The following SH3RF3 variants were observed in gnomAD, a reference collection of about 807,000 sequenced individuals.
SH3RF3 encodes SH3 domain containing ring finger 3.
SH3RF3 carries 29 observed loss-of-function variants against 66.3 expected under a neutral mutation model. That is an observed-to-expected ratio of 0.44 (90% confidence interval 0.33 to 0.60). The LOEUF is 0.60. Ranked by LOEUF, SH3RF3 falls within the 20% of genes least tolerant of loss-of-function variation. The pLI is 0.04. For missense variants in SH3RF3, 1,194 were observed against 1,190.9 expected (o/e 1.00, Z -0.04); for synonymous variants, 583 against 532.0 (o/e 1.10, Z -1.32).
chr2:109,307,439 A>T (rs1161243193), intron 1 of SH3RF3, among the ~76,000 whole-genome samples: 32 of 135,026 alleles, frequency 2.4e-4, no homozygotes, highest in Admixed American at 4.4e-4. Context: ...TTTTATTATT[A>T]TACTTTAAGT....
chr2:109,370,221 GTCTCTGTCTC>G (rs1559047223), intron 2 of SH3RF3, among the ~76,000 whole-genome samples: 1 of 148,708 alleles, frequency 6.7e-6, no homozygotes, highest in South Asian at 2.2e-4. Context: ...CTCTGTCTCT[GTCTCTGTCTC>G]TCTCTCTCTT....
At chr2:109,179,615 G>A (rs1678027906) in intron 1 of SH3RF3, among the ~76,000 whole-genome samples, 1 of 152,174 alleles carries the variant, frequency 6.6e-6, no homozygotes, top group African/African-American at 2.4e-5. Flanking sequence ...TTGTAATATG[G>A]TGGAGGGTAT....
intron 2 of SH3RF3, among the ~76,000 whole-genome samples, chr2:109,359,288 G>T (rs998284738): frequency 6.6e-6 from 1 of 152,154 alleles, no homozygotes; most frequent in Non-Finnish European, 1.5e-5. Context: ...TTTAGAATCA[G>T]TTGGTCAATA....
At chr2:109,251,981 G>A (rs1034077493) in intron 1 of SH3RF3, among the ~76,000 whole-genome samples, 23 of 152,104 alleles carry the variant, frequency 1.5e-4, no homozygotes, top group African/African-American at 5.1e-4. Flanking sequence ...AATGGCTCAC[G>A]ACTATAATCC....
intron 1 of SH3RF3, among the ~76,000 whole-genome samples, chr2:109,258,855 G>T (rs1680285185): frequency 6.6e-6 from 1 of 152,220 alleles, no homozygotes; most frequent in African/African-American, 2.4e-5. Context: ...TGATGTCCTT[G>T]GCTGTGCTGG....
At chr2:109,180,119 T>TG (rs1170293103) in intron 1 of SH3RF3, among the ~76,000 whole-genome samples, 1 of 135,908 alleles carries the variant, frequency 7.4e-6, no homozygotes, top group African/African-American at 3.2e-5. Context: ...ACAGGAGAAG[T>TG]TTTTTTTTTT....
chr2:109,465,674 C>T (rs1052743878), intron 8 of SH3RF3, among the ~76,000 whole-genome samples: 10 of 152,170 alleles, frequency 6.6e-5, no homozygotes, highest in Admixed American at 5.9e-4. Flanking sequence ...TCTGCAGGCT[C>T]TACAGGAAGC....
At chr2:109,275,047 A>G (rs1680722167) in intron 1 of SH3RF3, among the ~76,000 whole-genome samples, 1 of 152,234 alleles carries the variant, frequency 6.6e-6, no homozygotes, top group Non-Finnish European at 1.5e-5. Context: ...CCATAATGTA[A>G]AATTGTCCCC....
chr2:109,483,740 G>C (rs1199041658), intron 8 of SH3RF3, among the ~76,000 whole-genome samples: 2 of 152,150 alleles, frequency 1.3e-5, no homozygotes, highest in Non-Finnish European at 2.9e-5. Flanking sequence ...TGCCACATGA[G>C]GTCACAGTCC....
intron 8 of SH3RF3, among the ~76,000 whole-genome samples, chr2:109,454,784 A>C (rs140525586): frequency 1.1e-3 from 169 of 152,238 alleles, no homozygotes; most frequent in African/African-American, 3.9e-3. Context: ...ACTTAATTCA[A>C]AAACATCTCG....
intron 1 of SH3RF3, among the ~76,000 whole-genome samples, chr2:109,298,686 G>A (rs1681385810): frequency 6.6e-6 from 1 of 152,034 alleles, no homozygotes; most frequent in Admixed American, 6.5e-5. Flanking sequence ...CCTGGCTCCT[G>A]TGGGTCCAGG....
At chr2:109,287,091 A>T (rs1019234868) in intron 1 of SH3RF3, among the ~76,000 whole-genome samples, 2 of 152,108 alleles carry the variant, frequency 1.3e-5, no homozygotes, top group African/African-American at 4.8e-5. Flanking sequence ...CTGTGATCTC[A>T]TCTGTGACAT....
chr2:109,146,760 G>A (rs1313242371), intron 1 of SH3RF3, among the ~76,000 whole-genome samples: 2 of 151,074 alleles, frequency 1.3e-5, no homozygotes, highest in African/African-American at 4.9e-5. Flanking sequence ...TCCTTCCTTC[G>A]AAAACTTGCG....
At chr2:109,348,601 G>A (rs942998343) in intron 2 of SH3RF3, among the ~76,000 whole-genome samples, 1 of 152,158 alleles carries the variant, frequency 6.6e-6, no homozygotes, top group African/African-American at 2.4e-5. Flanking sequence ...CCAAGTGCTC[G>A]GCCAATAAGC....
intron 1 of SH3RF3, among the ~76,000 whole-genome samples, chr2:109,305,378 A>T (rs10191580): frequency 0.31 from 47,173 of 151,838 alleles, 9,035 homozygotes; most frequent in African/African-American, 0.54. Flanking sequence ...AGGCCCATAC[A>T]GGTGTCTCGG....
intron 7 of SH3RF3, among the ~76,000 whole-genome samples, chr2:109,438,888 TTA>T (rs1677484468): frequency 6.6e-6 from 1 of 152,124 alleles, no homozygotes; most frequent in Admixed American, 6.5e-5. Context: ...TCCCTTCTGG[TTA>T]TAAACATCTC....
At chr2:109,395,912 G>A (rs1271468425) in intron 3 of SH3RF3, among the ~76,000 whole-genome samples, 1 of 152,192 alleles carries the variant, frequency 6.6e-6, no homozygotes, top group Non-Finnish European at 1.5e-5. Context: ...AACTCAAAAG[G>A]GTCACAGGAG....
At chr2:109,313,922 T>C (rs980711908) in intron 1 of SH3RF3, among the ~76,000 whole-genome samples, 1 of 152,154 alleles carries the variant, frequency 6.6e-6, no homozygotes, top group Non-Finnish European at 1.5e-5. Context: ...GGGACCCGTA[T>C]GCAGGGTGCC....
chr2:109,197,563 G>A (rs970956790), intron 1 of SH3RF3, among the ~76,000 whole-genome samples: 4 of 152,238 alleles, frequency 2.6e-5, no homozygotes, highest in Non-Finnish European at 5.9e-5. Context: ...TGGCCGGGGA[G>A]GGGTGGGAGG....
Sources: allele counts gnomAD v4.1 joint callset (sites outside exome capture counted in the v4.1 genomes callset), GRCh38; gene constraint gnomAD v4.1.1; transcripts MANE v1.5; gene names NCBI Gene and HGNC (gene_info 2026-07-23, HGNC 2026-07-21).